The following FMN2 variants were observed in gnomAD, a reference collection of about 807,000 sequenced individuals.
FMN2 encodes the protein formin-2.
A neutral mutation model predicts 142.3 loss-of-function variants in FMN2; 51 were observed. That is an observed-to-expected ratio of 0.36 (90% CI 0.29 to 0.45). FMN2 has a LOEUF of 0.45. FMN2 is among the 20% of genes least tolerant of loss of function. The probability of loss-of-function intolerance (pLI) is 1.00; values close to 1 mark genes in which losing one functional copy is unlikely to be tolerated. For missense variants in FMN2, 1,936 were observed against 2,122.8 expected (o/e 0.91, Z 1.73); for synonymous variants, 882 against 869.8 (o/e 1.01, Z -0.25).
intron 7 of FMN2, among the ~76,000 whole-genome samples, chr1:240,258,638 G>A (rs1351756489): frequency 1.3e-5 from 2 of 152,144 alleles, no homozygotes; most frequent in Non-Finnish European, 2.9e-5. Flanking sequence ...TTTGGAATTA[G>A]AGTGGTTCTT....
chr1:240,408,657 A>G (rs1428208789), intron 15 of FMN2, among the ~76,000 whole-genome samples: 1 of 152,192 alleles, frequency 6.6e-6, no homozygotes, highest in Non-Finnish European at 1.5e-5. Context: ...TCATTTATTT[A>G]GAGAAATTAA....
intron 16 of FMN2, among the ~76,000 whole-genome samples, chr1:240,450,109 A>C (rs1675959070): frequency 6.6e-6 from 1 of 152,084 alleles, no homozygotes; most frequent in Non-Finnish European, 1.5e-5. Context: ...AAATTCTAAA[A>C]TTCTTGGTGT....
intron 4 of FMN2, among the ~76,000 whole-genome samples, chr1:240,192,500 A>T (rs1385878021): frequency 1.3e-5 from 2 of 152,224 alleles, no homozygotes; most frequent in Non-Finnish European, 2.9e-5. Flanking sequence ...GAATTTGCAA[A>T]GTAATTGGAA....
At chr1:240,437,339 G>T (rs1189508646) in intron 15 of FMN2, among the ~76,000 whole-genome samples, 1 of 144,430 alleles carries the variant, frequency 6.9e-6, no homozygotes, top group African/African-American at 2.7e-5. Flanking sequence ...TGTTGCCCCG[G>T]CTGGAGTGCA....
At chr1:240,440,424 A>G (rs968415559) in intron 16 of FMN2, among the ~76,000 whole-genome samples, 8 of 152,178 alleles carry the variant, frequency 5.3e-5, no homozygotes, top group Non-Finnish European at 7.3e-5. Flanking sequence ...TGGTGGCATT[A>G]TGTGCATCTG....
At chr1:240,356,549 A>C (rs1445319897) in intron 14 of FMN2, among the ~76,000 whole-genome samples, 1 of 152,246 alleles carries the variant, frequency 6.6e-6, no homozygotes, top group African/African-American at 2.4e-5. Context: ...GAAAGCATCT[A>C]TTAAGTCTTG....
rs377516551 is a variant in FMN2, at chr1:240,093,459, C to A, written c.1350C>A (p.Ser450=). Residue 450 remains serine, a synonymous_variant, in exon 1 of 18, where the codon TCC becomes TCA. Transcript: ENST00000319653. ...SPRIKRRPEP[S]LSRGSRTALA... ...GGATCAAGAGGCGGCCGGAACCCTC[C>A]CTGAGCCGAGGGTCCAGAACTGCCC... is the stretch of plus-strand genomic sequence containing the variant. The A allele has an allele frequency of 6.2e-7, 1 of 1,613,356 alleles. No individual in the cohort carries two copies. Among genetic ancestry groups the A allele is most frequent in the African/African-American group, 1.3e-5 (1 of 74,878 alleles).
chr1:240,430,975 G>T (rs1675151251), intron 15 of FMN2, among the ~76,000 whole-genome samples: 3 of 142,262 alleles, frequency 2.1e-5, no homozygotes, highest in African/African-American at 2.9e-5. Flanking sequence ...CAGCATATCA[G>T]TCCCTTTAAA....
At chr1:240,154,192 C>T (rs1457726759) in intron 2 of FMN2, among the ~76,000 whole-genome samples, 7 of 148,140 alleles carry the variant, frequency 4.7e-5, no homozygotes, top group Non-Finnish European at 1.0e-4. Context: ...CTTAGGAGAA[C>T]GTACGTTCTC....
chr1:240,144,505 C>T, intron 2 of FMN2: 1 of 1,524,330 alleles, frequency 6.6e-7, no homozygotes, highest in Non-Finnish European at 9.1e-7. Context: ...CCATCTGTTT[C>T]TGTACTACCA....
intron 7 of FMN2, among the ~76,000 whole-genome samples, chr1:240,263,613 G>A (rs978617045): frequency 5.9e-5 from 9 of 152,180 alleles, no homozygotes; most frequent in East Asian, 1.9e-4. Flanking sequence ...AGCAGCTTGC[G>A]TTAACTGCCT....
At chr1:240,183,466 A>G (rs1197531045) in intron 3 of FMN2, among the ~76,000 whole-genome samples, 2 of 148,240 alleles carry the variant, frequency 1.3e-5, no homozygotes, top group African/African-American at 2.4e-5. Flanking sequence ...ATATATATAA[A>G]TTGAATATAT....
At position 240,432,187 on chromosome 1, in the gene FMN2, A is replaced by G. The variant is rs114775118; in HGVS notation, c.4911-5874A>G. Among the ~76,000 whole-genome samples, 799 of 152,020 alleles carry G rather than the reference A, an allele frequency of 5.3e-3. 12 individuals are homozygous for G. Among genetic ancestry groups the G allele is most frequent in the African/African-American group, 0.018 (760 of 41,546 alleles). ...ATGGAAAATAATTGAATTGTCTTAG[A>G]TTTAGGGGTACTTATATTTTCTGTT... On this transcript the variant is annotated intron_variant, in intron 15 of 17. Transcript: ENST00000319653.
At chr1:240,467,959 T>C (rs1676674705) in intron 16 of FMN2, among the ~76,000 whole-genome samples, 2 of 152,224 alleles carry the variant, frequency 1.3e-5, no homozygotes, top group Admixed American at 6.5e-5. Flanking sequence ...TGATTTTTTT[T>C]CCCCAAAGTC....
rs756340790 is a variant in FMN2, at chr1:240,208,485, C to G, written c.3673C>G (p.Leu1225Val). Residue 1225 changes from leucine to valine, a missense_variant, in exon 5 of 18, where the codon CTC becomes GTC. Coordinates refer to ENST00000319653, the MANE Select transcript of FMN2 (RefSeq NM_020066.5). ...MGIPPAPAPP[L>V]PPPGTGIPPP... ...GATTCCACCTGCTCCAGCTCCCCCA[C>G]TCCCTCCACCTGGGACAGGAATCCC... is the stretch of plus-strand genomic sequence containing the variant. 2 of 1,611,534 alleles carry G rather than the reference C, an allele frequency of 1.2e-6. No individual in the cohort carries two copies. The highest frequency in any genetic ancestry group is 1.1e-5 in the South Asian group (1 of 90,782).
At position 240,367,346 on chromosome 1, in the gene FMN2, A is replaced by G. The variant is rs559535295; in HGVS notation, c.4858+11438A>G. On this transcript the variant is annotated intron_variant, in intron 14 of 17. Coordinates refer to ENST00000319653, the MANE Select transcript of FMN2 (RefSeq NM_020066.5). The stretch of plus-strand genomic sequence containing the variant: ...AAATGTGGTCAGATAAATTTTCCCA[A>G]GCCCTGCTCCCACTTTGGAGCTTGT... Among the ~76,000 whole-genome samples, 3 of 152,236 alleles carry G rather than the reference A, an allele frequency of 2.0e-5. No homozygotes were observed. In the South Asian group the frequency reaches 6.2e-4, roughly 32 times the overall value.
Position 240,207,024 on chromosome 1 carries a change from A to G in FMN2, c.2212A>G (p.Ile738Val), listed in dbSNP as rs1398620835. 2 of 1,613,994 alleles carry G rather than the reference A, an allele frequency of 1.2e-6. No homozygotes were observed. The highest frequency in any genetic ancestry group is 1.7e-6 in the Non-Finnish European group (2 of 1,180,012). Residue 738 changes from isoleucine to valine, a missense_variant, in exon 5 of 18, where the codon ATT becomes GTT. Ile to Val is a conservative substitution (Grantham distance 29). Coordinates refer to ENST00000319653, the MANE Select transcript of FMN2 (RefSeq NM_020066.5). Reference sequence around the variant, plus strand: ...AGAAAAGGAAGTACGGCATCATAGGATTTTAGAGGCGAAATCGATACAGAC... The same window carrying G: ...AGAAAAGGAAGTACGGCATCATAGGGTTTTAGAGGCGAAATCGATACAGAC... Reference protein sequence around the residue: ...LEEKEVRHHRILEAKSIQTSP... With the variant: ...LEEKEVRHHRVLEAKSIQTSP...
chr1:240,451,172 C>T (rs1676026112), intron 16 of FMN2, among the ~76,000 whole-genome samples: 1 of 151,944 alleles, frequency 6.6e-6, no homozygotes, highest in South Asian at 2.1e-4. Flanking sequence ...TTGAGACCAG[C>T]CTCGACAAGA....
At chr1:240,366,205 A>G (rs1424139539) in intron 14 of FMN2, among the ~76,000 whole-genome samples, 2 of 152,176 alleles carry the variant, frequency 1.3e-5, no homozygotes, top group Non-Finnish European at 1.5e-5. Context: ...GAACATGATC[A>G]ATACCGGTCA....
Sources: gnomAD v4.1 joint callset for allele counts (sites outside exome capture counted in the v4.1 genomes callset) on GRCh38, gnomAD v4.1.1 for gene constraint, MANE v1.5 for transcripts, NCBI Gene and HGNC (gene_info 2026-07-23, HGNC 2026-07-21) for gene names.